Variants in ZNF528 observed in about 807,000 individuals in gnomAD.
ZNF528 encodes zinc finger protein 528.
ZNF528 carries 9 observed loss-of-function variants against 13.3 expected under a neutral mutation model. The ratio of observed to expected loss-of-function variants is 0.67; its 90% CI spans 0.41 to 1.18. ZNF528 has a LOEUF of 1.18. ZNF528 is among the 50% of genes most tolerant of loss of function. The probability of loss-of-function intolerance (pLI) is 0.01; values close to 1 mark genes in which losing one functional copy is unlikely to be tolerated. For missense variants in ZNF528, 858 were observed against 745.4 expected (o/e 1.15, Z -1.76); for synonymous variants, 264 against 254.3 (o/e 1.04, Z -0.36).
At chr19:52,408,963 G>A (rs1346744451) in intron 6 of ZNF528, among the ~76,000 whole-genome samples, 1 of 152,150 alleles carries the variant, frequency 6.6e-6, no homozygotes, top group Non-Finnish European at 1.5e-5. Flanking sequence ...TCTTGGACAG[G>A]TCTAGAATAC....
intron 6 of ZNF528, 91 bp from the exon 7 acceptor site, chr19:52,415,033 G>C (rs1384027899): frequency 3.2e-6 from 5 of 1,587,106 alleles, no homozygotes; most frequent in Non-Finnish European, 2.6e-6. Context: ...ACCAATGTCT[G>C]AGTCAGGTGA....
In ZNF528 at chr19:52,417,238, A is replaced by G; in HGVS notation, c.*499A>G. 1 of 296,826 alleles carries G rather than the reference A, an allele frequency of 3.4e-6. No homozygotes were observed. Among genetic ancestry groups the G allele is most frequent in the Non-Finnish European group, 6.6e-6 (1 of 151,820 alleles). 18.4% of individuals were successfully genotyped at this position (296,826 alleles called of 1,614,324 possible). A position where few individuals can be genotyped will look rare whatever the true frequency, so the allele number is the denominator to read the frequency against. ...CCATTCACTGTGGTCCCTGGGAAAG[A>G]ATCAGTAGGATGACAGGGCTGACTT... On this transcript the variant is annotated 3_prime_UTR_variant, in exon 7 of 7. Transcript: ENST00000360465.
At chr19:52,398,657 T>G in intron 2 of ZNF528, 38 bp downstream of exon 2, 1 of 971,884 alleles carries the variant, frequency 1.0e-6, no homozygotes. Flanking sequence ...TGAAAGAAGG[T>G]GCCGAGAAAA....
rs34244828 is a variant in ZNF528, at chr19:52,401,662, CTTT to C, written c.-136-5_-136-3del. 6.8e-3 allele frequency: 6,150 copies of C among 899,062 alleles called. No homozygotes were observed. Among genetic ancestry groups the C allele is most frequent in the Admixed American group, 7.8e-3 (198 of 25,302 alleles). The allele number at this position is 899,062 out of a possible 1,614,324, so 55.7% of individuals were successfully genotyped here. On this transcript the variant is annotated intron_variant, in intron 2 of 6. Coordinates refer to ENST00000360465, the MANE Select transcript of ZNF528 (RefSeq NM_032423.3). ...CAGTTTATTACCACATGAAGAATTG[CTTT>C]TTTTTTTTTTTTTTTTTAGGTTCAC... is the stretch of plus-strand genomic sequence containing the variant.
At chr19:52,398,757 CAG>C (rs751375046) in intron 2 of ZNF528, 138 bp downstream of exon 2, 9 of 334,648 alleles carry the variant, frequency 2.7e-5, no homozygotes, top group African/African-American at 4.4e-5. Context: ...GCTTCTCAGA[CAG>C]AGGGGGGAGA....
chr19:52,398,808 G>A (rs2058758417), intron 2 of ZNF528, among the ~76,000 whole-genome samples, 189 bp downstream of exon 2: 1 of 152,158 alleles, frequency 6.6e-6, no homozygotes, highest in South Asian at 2.1e-4. Flanking sequence ...AGAGCAGCGT[G>A]GTGCTGGGAC....
chr19:52,406,965 A>G (rs1029530786), intron 6 of ZNF528: 1 of 326,868 alleles, frequency 3.1e-6, no homozygotes, highest in Admixed American at 4.9e-5. Flanking sequence ...TTTTTTGGAG[A>G]TAGGATCTCT....
intron 6 of ZNF528, chr19:52,414,454 A>G (rs1266730014): frequency 8.3e-6 from 5 of 605,670 alleles, no homozygotes; most frequent in Admixed American, 2.8e-5. Flanking sequence ...TTATTGGGTA[A>G]AGGAGATGGT....
Position 52,416,245 on chromosome 19 carries a change from T to C in ZNF528, c.1393T>C (p.Tyr465His), listed in dbSNP as rs1351594276. The part of the protein sequence containing the change: ...HFLIHSGEKP[Y>H]ECKECGKVFR... The stretch of plus-strand genomic sequence containing the variant: ...TCTAATCCATAGTGGAGAGAAACCT[T>C]ATGAATGTAAAGAATGTGGCAAAGT... Residue 465 changes from tyrosine (Y) to histidine (H), a missense_variant, in exon 7 of 7, where the codon TAT becomes CAT. Physicochemically the swap from Tyr to His is moderately conservative, Grantham distance 83. Coordinates refer to ENST00000360465, the MANE Select transcript of ZNF528 (RefSeq NM_032423.3). 27 of 1,613,958 alleles carry C rather than the reference T, an allele frequency of 1.7e-5. No homozygotes were observed. Among genetic ancestry groups the C allele is most frequent in the Non-Finnish European group, 2.3e-5 (27 of 1,179,946 alleles).
chr19:52,415,911 C>G lies in ZNF528; in HGVS notation c.1059C>G (p.Tyr353Ter), dbSNP rs116544786. The G allele has an allele frequency of 8.9e-4, 1,435 of 1,614,002 alleles. 18 individuals carry two copies. The African/African-American group carries it at 0.018, about 20-fold the overall frequency. ...CGGTTCATACTGGTGAGAAACCTTACAAATGTGAAGAATGTGGCAAAGCAT... is the reference window on the plus strand; with the variant it reads ...CGGTTCATACTGGTGAGAAACCTTAGAAATGTGAAGAATGTGGCAAAGCAT... ...HQTVHTGEKP[Y>*]KCEECGKAFS... Residue 353 changes from tyrosine to a stop codon, truncating the protein, a stop_gained, in exon 7 of 7, where the codon TAC becomes TAG. Transcript: ENST00000360465. LOFTEE classifies it low-confidence loss of function (END_TRUNC).
chr19:52,414,256 C>T (rs944178580), intron 6 of ZNF528: 6 of 702,522 alleles, frequency 8.5e-6, no homozygotes, highest in South Asian at 4.4e-5. Context: ...GTCCTATGTT[C>T]GGAGGCCACT....
intron 4 of ZNF528, among the ~76,000 whole-genome samples, chr19:52,403,836 G>T: frequency 6.6e-6 from 1 of 151,930 alleles, no homozygotes; most frequent in Non-Finnish European, 1.5e-5. Context: ...TAAATTTTAT[G>T]TTTTTTAGTC....
intron 6 of ZNF528, chr19:52,411,607 A>G (rs1237539356): frequency 1.3e-5 from 2 of 152,168 alleles, no homozygotes. Flanking sequence ...GGCCCACACA[A>G]GTTTCTCACT....
At position 52,401,662 on chromosome 19, in the gene ZNF528, CTTTTTT is replaced by C. The variant is rs34244828; in HGVS notation, c.-136-8_-136-3del. 5.4e-5 allele frequency: 49 copies of C among 906,898 alleles called. No individual in the cohort carries two copies. Among genetic ancestry groups the C allele is most frequent in the African/African-American group, 6.2e-5 (3 of 48,476 alleles). The allele number at this position is 906,898 out of a possible 1,614,324, so 56.2% of individuals were successfully genotyped here. On this transcript the variant is annotated splice_polypyrimidine_tract_variant and intron_variant, in intron 2 of 6. Coordinates refer to ENST00000360465, the MANE Select transcript of ZNF528 (RefSeq NM_032423.3). Reference sequence around the variant, plus strand: ...CAGTTTATTACCACATGAAGAATTGCTTTTTTTTTTTTTTTTTTTTAGGTTCACAAA... The same window carrying C: ...CAGTTTATTACCACATGAAGAATTGCTTTTTTTTTTTTTTAGGTTCACAAA...
intron 6 of ZNF528, chr19:52,408,657 T>G (rs552591378): frequency 2.0e-5 from 3 of 152,074 alleles, no homozygotes; most frequent in African/African-American, 7.2e-5. Context: ...TACTGCAACC[T>G]CTGCCTCCTG....
intron 6 of ZNF528, chr19:52,406,981 G>T (rs113210127): frequency 1.0e-5 from 3 of 290,914 alleles, no homozygotes; most frequent in Non-Finnish European, 1.9e-5. Context: ...TCTCTCTTGG[G>T]TCACCCAGTC....
chr19:52,416,041 A>G lies in ZNF528; in HGVS notation c.1189A>G (p.Thr397Ala). ...GGTCTTTGGGCGCAAGTGTTTCCTG[A>G]CCTCTCATCAGAGAATTCATACTAG... ...DKVFGRKCFL[T>A]SHQRIHTRER... The change falls in exon 7 of 7, where the codon ACC becomes GCC. Residue 397 changes from threonine to alanine, a missense_variant. By Grantham distance (58) the Thr-to-Ala change is moderately conservative. Coordinates refer to ENST00000360465, the MANE Select transcript of ZNF528 (RefSeq NM_032423.3). 2 of 1,613,946 alleles carry G rather than the reference A, an allele frequency of 1.2e-6. No homozygotes were observed. Among genetic ancestry groups the G allele is most frequent in the Non-Finnish European group, 1.7e-6 (2 of 1,179,992 alleles).
Position 52,406,782 on chromosome 19 carries a change from C to T in ZNF528, c.271+139C>T, listed in dbSNP as rs559524550. On this transcript the variant is annotated intron_variant, in intron 6 of 6. Transcript: ENST00000360465. ...GAATTCCTGGACTTAAGGGATCTCC[C>T]TGGCTCGCTCTTCCAAAGTGTTGGG... The T allele has an allele frequency of 2.6e-4, 297 of 1,152,026 alleles. 1 individual carries two copies. The African/African-American group carries it at 3.9e-3, about 15-fold the overall frequency. 71.4% of individuals were successfully genotyped at this position (1,152,026 alleles called of 1,614,324 possible). A position where few individuals can be genotyped will look rare whatever the true frequency, so the allele number is the denominator to read the frequency against.
chr19:52,410,899 C>T (rs1360026364), intron 6 of ZNF528, among the ~76,000 whole-genome samples: 2 of 152,170 alleles, frequency 1.3e-5, no homozygotes, highest in Admixed American at 6.5e-5. Flanking sequence ...ATTAATATCT[C>T]CTAGTATTTG....
Sources: gnomAD v4.1 joint callset for allele counts (sites outside exome capture counted in the v4.1 genomes callset) on GRCh38, gnomAD v4.1.1 for gene constraint, MANE v1.5 for transcripts, NCBI Gene and HGNC (gene_info 2026-07-23, HGNC 2026-07-21) for gene names.